PAWR: variants seen among roughly 807,000 people sequenced by gnomAD.
PAWR encodes the protein PRKC apoptosis WT1 regulator protein.
In PAWR, 23 loss-of-function variants were observed where a neutral mutation model predicts 32.0. That is an observed-to-expected ratio of 0.72 (90% CI 0.52 to 1.02). PAWR has a LOEUF of 1.02. Among genes scored for constraint, PAWR ranks in the 50% least tolerant of loss-of-function variants. PAWR has a pLI of 0.00. For synonymous variants in PAWR, 226 were observed against 187.1 expected (o/e 1.21, Z -1.70); for missense variants, 457 against 437.7 (o/e 1.04, Z -0.39).
intron 2 of PAWR, among the ~76,000 whole-genome samples, chr12:79,678,624 T>C (rs959177634): frequency 1.3e-5 from 2 of 152,264 alleles, no homozygotes; most frequent in African/African-American, 4.8e-5. Context: ...GAAGATTAGA[T>C]GTAACCCATG....
At chr12:79,602,035 A>G (rs936909374) in intron 4 of PAWR, among the ~76,000 whole-genome samples, 3 of 152,188 alleles carry the variant, frequency 2.0e-5, no homozygotes, top group African/African-American at 7.2e-5. Flanking sequence ...AGACTTACAT[A>G]TTTTGTAATA....
At position 79,626,696 on chromosome 12, in the gene PAWR, C is replaced by T. The variant is rs527761904; in HGVS notation, c.517-5489G>A. On this transcript the variant is annotated intron_variant, in intron 2 of 6. Coordinates refer to ENST00000328827, the MANE Select transcript of PAWR (RefSeq NM_002583.4). ...TGTTGGTGTGCTGCACCCATTAACT[C>T]GTCATTTAACATTAGGTATATCTCC... Among the ~76,000 whole-genome samples, 454 of 151,528 alleles carry T rather than the reference C, an allele frequency of 3.0e-3. 1 individual carries two copies. The highest frequency in any genetic ancestry group is 5.0e-3 in the Non-Finnish European group (338 of 67,946).
In PAWR at chr12:79,621,193, G is replaced by C. The variant is rs140481577; in HGVS notation, c.531C>G (p.Tyr177Ter). The C allele has an allele frequency of 6.2e-7, 1 of 1,609,220 alleles. No individual in the cohort carries two copies. Among genetic ancestry groups the C allele is most frequent in the Non-Finnish European group, 8.5e-7 (1 of 1,178,624 alleles). ...NIPAAECLDE[Y>*]EDDEAGQKER... Reference sequence around the variant, plus strand: ...CTTTCTGCCCTGCTTCATCATCTTCGTACTCATCTAAGCACTGAAAGAAAA... The same window carrying C: ...CTTTCTGCCCTGCTTCATCATCTTCCTACTCATCTAAGCACTGAAAGAAAA... The change falls in exon 3 of 7, where the codon TAC becomes TAG. Residue 177 changes from tyrosine (Y) to a stop codon, truncating the protein, a stop_gained. Coordinates refer to ENST00000328827, the MANE Select transcript of PAWR (RefSeq NM_002583.4). LOFTEE classifies it high-confidence loss of function.
Position 79,669,186 on chromosome 12 carries a change from A to G in PAWR, c.516+20543T>C, listed in dbSNP as rs182539098. Among the ~76,000 whole-genome samples, 433 of 152,358 alleles carry G rather than the reference A, an allele frequency of 2.8e-3. 1 individual carries two copies. The highest frequency in any genetic ancestry group is 4.6e-3 in the Non-Finnish European group (315 of 68,028). On this transcript the variant is annotated intron_variant, in intron 2 of 6. Transcript: ENST00000328827. ...GCAGAAGATTCCCCACACAGTGCAG[A>G]TTATGTAAAGATTAGGGATATAAGA...
Position 79,690,206 on chromosome 12 carries a change from G to A in PAWR, c.39C>T (p.Gly13=), listed in dbSNP as rs1436464738. ...TGGYRTSSGL[G]GSTTDFLEEW... is the part of the protein sequence containing the mutation. ...CCTCCAGGAAGTCTGTGGTGCTGCC[G>A]CCGAGGCCGCTGCTGGTCCGGTAGC... Residue 13 remains glycine, a synonymous_variant, in exon 2 of 7, where the codon GGC becomes GGT. Transcript: ENST00000328827. The A allele has an allele frequency of 2.6e-6, 4 of 1,528,726 alleles. No homozygotes were observed. The African/African-American group carries it at 5.7e-5, about 22-fold the overall frequency. The allele number at this position is 1,528,726 out of a possible 1,614,324, so 94.7% of individuals were successfully genotyped here.
chr12:79,643,605 T>A (rs1348466413), intron 2 of PAWR, among the ~76,000 whole-genome samples: 1 of 152,124 alleles, frequency 6.6e-6, no homozygotes, highest in Non-Finnish European at 1.5e-5. Context: ...AAGTTCCTCC[T>A]CCACCAAAAA....
rs1256184190 is a variant in PAWR at position 79,690,176 on chromosome 12, C to T, written c.69G>A (p.Trp23Ter). Residue 23 changes from tryptophan (W) to a stop codon, truncating the protein, a stop_gained, in exon 2 of 7, where the codon TGG becomes TGA. Transcript: ENST00000328827. LOFTEE classifies it high-confidence loss of function. ...GGSTTDFLEE[W>*]KAKREKMRAK... ...CGCGCATCTTCTCGCGTTTCGCCTT[C>T]CACTCCTCCAGGAAGTCTGTGGTGC... The T allele has an allele frequency of 6.5e-7, 1 of 1,532,160 alleles. No individual in the cohort carries two copies. Among genetic ancestry groups the T allele is most frequent in the Non-Finnish European group, 8.8e-7 (1 of 1,142,756 alleles). The allele number at this position is 1,532,160 out of a possible 1,614,324, so 94.9% of individuals were successfully genotyped here.
intron 2 of PAWR, among the ~76,000 whole-genome samples, chr12:79,682,115 T>C (rs1336162596): frequency 1.3e-5 from 2 of 152,208 alleles, no homozygotes; most frequent in Non-Finnish European, 2.9e-5. Flanking sequence ...ATTATTATGT[T>C]TATTTATCCT....
chr12:79,650,687 T>C (rs1876799613), intron 2 of PAWR, among the ~76,000 whole-genome samples: 2 of 131,074 alleles, frequency 1.5e-5, no homozygotes, highest in South Asian at 4.9e-4. Context: ...CTTTCCTTAC[T>C]CAAGTTCAAC....
chr12:79,661,266 AAAG>A, intron 2 of PAWR, among the ~76,000 whole-genome samples: 1 of 151,872 alleles, frequency 6.6e-6, no homozygotes, highest in Non-Finnish European at 1.5e-5. Context: ...AAAAAAAAAA[AAAG>A]AACTTACATT....
intron 2 of PAWR, among the ~76,000 whole-genome samples, chr12:79,641,845 CAAAAAAAAAAAA>C (rs35377529): frequency 3.5e-5 from 2 of 57,688 alleles, no homozygotes; most frequent in Non-Finnish European, 6.1e-5. Context: ...GACTCCGTCT[CAAAAAAAAAAAA>C]AAAAAAAAAA....
chr12:79,611,178 T>C lies in PAWR; in HGVS notation c.683+2397A>G, dbSNP rs1236426760. On this transcript the variant is annotated intron_variant, in intron 4 of 6. Coordinates refer to ENST00000328827, the MANE Select transcript of PAWR (RefSeq NM_002583.4). The stretch of plus-strand genomic sequence containing the variant: ...TATTTATATAAATCTTATAGATATT[T>C]ATATATAAATCTTATAGATATTTAT... 1.7e-4 allele frequency among the ~76,000 whole-genome samples: 25 copies of C among 146,638 alleles called. 1 individual carries two copies. The highest frequency in any genetic ancestry group is 1.4e-3 in the Admixed American group (21 of 14,566).
intron 2 of PAWR, among the ~76,000 whole-genome samples, chr12:79,634,880 AT>A (rs968040003): frequency 2.6e-5 from 4 of 151,480 alleles, no homozygotes; most frequent in East Asian, 1.9e-4. Context: ...TTTTTACATA[AT>A]TTTTTTTTAA....
intron 3 of PAWR, among the ~76,000 whole-genome samples, 164 bp downstream of exon 3, chr12:79,620,912 C>T (rs1000110527): frequency 9.2e-5 from 14 of 152,082 alleles, no homozygotes; most frequent in African/African-American, 2.9e-4. Context: ...TTCATGCTTA[C>T]GGTGAGCCCA....
chr12:79,690,569 C>T (rs1369503740), intron 1 of PAWR, 178 bp from the exon 2 acceptor site: 1 of 246,380 alleles, frequency 4.1e-6, no homozygotes, highest in African/African-American at 2.2e-5. Context: ...CAGTACGGAC[C>T]CCGACGATCG....
chr12:79,689,415 CCAAGTCAGCCAAGTCCAGGTGGG>C (rs1878851757), intron 2 of PAWR, among the ~76,000 whole-genome samples: 1 of 151,908 alleles, frequency 6.6e-6, no homozygotes, highest in Non-Finnish European at 1.5e-5. Context: ...GTCCAGGTGG[CCAAGTCAGCCAAGTCCAGGTGGG>C]CAAGTCCTGG....
chr12:79,640,878 C>G (rs566342451), intron 2 of PAWR, among the ~76,000 whole-genome samples: 1 of 152,132 alleles, frequency 6.6e-6, no homozygotes, highest in Non-Finnish European at 1.5e-5. Flanking sequence ...TAGTTTGATG[C>G]GTAAGGATCT....
At position 79,589,374 on chromosome 12, in the gene PAWR, T is replaced by C. The variant is rs772564525; in HGVS notation, c.*3233A>G. The stretch of plus-strand genomic sequence containing the variant: ...TACATTTTTATTTCTAATTATAAAA[T>C]CCAGATTAATCCAAAAAACACAAAC... On this transcript the variant is annotated 3_prime_UTR_variant, in exon 7 of 7. Coordinates refer to ENST00000328827, the MANE Select transcript of PAWR (RefSeq NM_002583.4). 6 of 151,848 alleles carry C rather than the reference T, an allele frequency of 4.0e-5. No individual in the cohort carries two copies. Among genetic ancestry groups the C allele is most frequent in the African/African-American group, 7.3e-5 (3 of 41,362 alleles). 9.4% of individuals were successfully genotyped at this position (151,848 alleles called of 1,614,324 possible).
At chr12:79,663,714 C>CT (rs2136829402) in intron 2 of PAWR, among the ~76,000 whole-genome samples, 1 of 151,950 alleles carries the variant, frequency 6.6e-6, no homozygotes, top group East Asian at 1.9e-4. Context: ...GAGCCATGAT[C>CT]TGCACCACTA....
Sources: gnomAD v4.1 joint callset for allele counts (sites outside exome capture counted in the v4.1 genomes callset) on GRCh38, gnomAD v4.1.1 for gene constraint, MANE v1.5 for transcripts, NCBI Gene and HGNC (gene_info 2026-07-23, HGNC 2026-07-21) for gene names.